AKR1C4: variants seen among roughly 807,000 people sequenced by gnomAD.
AKR1C4 encodes the protein aldo-keto reductase family 1 member C4, also known as 3-alpha-HSD1.
A neutral mutation model predicts 41.0 loss-of-function variants in AKR1C4; 44 were observed. The observed-to-expected ratio is 1.07, with a 90% CI of 0.84 to 1.38. The LOEUF is 1.38. Ranked by LOEUF, AKR1C4 falls within the 40% of genes most tolerant of loss-of-function variation. AKR1C4 has a pLI of 0.00. For synonymous variants in AKR1C4, 165 were observed against 137.7 expected (o/e 1.20, Z -1.39); for missense variants, 438 against 387.9 (o/e 1.13, Z -1.09).
intron 5 of AKR1C4, among the ~76,000 whole-genome samples, chr10:5,210,027 T>TA (rs1487065537): frequency 6.6e-6 from 1 of 152,154 alleles, no homozygotes; most frequent in Non-Finnish European, 1.5e-5. Context: ...TATAAGCCTG[T>TA]AAACTCAAAA....
intron 1 of AKR1C4, 30 bp downstream of exon 1, chr10:5,196,981 T>C (rs1554796381): frequency 6.2e-7 from 1 of 1,604,414 alleles, no homozygotes; most frequent in Non-Finnish European, 8.5e-7. Context: ...CATTGAGCAT[T>C]TAAAAGAGCA....
chr10:5,201,085 T>C (rs1832394296), intron 2 of AKR1C4, among the ~76,000 whole-genome samples: 1 of 152,160 alleles, frequency 6.6e-6, no homozygotes, highest in Admixed American at 6.5e-5. Context: ...GGTATGTGTT[T>C]TTTATATATA....
At chr10:5,204,997 C>T (rs1832463077) in intron 3 of AKR1C4, among the ~76,000 whole-genome samples, 1 of 151,500 alleles carries the variant, frequency 6.6e-6, no homozygotes, top group Non-Finnish European at 1.5e-5. Context: ...GAGTTTGTAG[C>T]TTTGCCTAGT....
intron 5 of AKR1C4, among the ~76,000 whole-genome samples, chr10:5,208,400 A>T (rs1413624): frequency 0.8 from 121,771 of 151,382 alleles, 51,619 homozygotes; most frequent in East Asian, 0.98. Flanking sequence ...TTACTCAATT[A>T]TTATTATGAC....
chr10:5,201,610 G>A (rs1832401495), intron 2 of AKR1C4, among the ~76,000 whole-genome samples: 1 of 152,048 alleles, frequency 6.6e-6, no homozygotes, highest in African/African-American at 2.4e-5. Context: ...AGTTTAATTA[G>A]GTCCCATTTA....
intron 1 of AKR1C4, among the ~76,000 whole-genome samples, chr10:5,199,730 C>T (rs1000338697): frequency 3.3e-5 from 5 of 152,254 alleles, no homozygotes; most frequent in Admixed American, 6.5e-5. Context: ...ACTCCATCCC[C>T]TTCTGACTTC....
intron 2 of AKR1C4, among the ~76,000 whole-genome samples, chr10:5,202,939 TTGTGTGTGTGTGTG>T (rs57414547): frequency 1.2e-3 from 171 of 139,264 alleles, no homozygotes; most frequent in Admixed American, 3.3e-3. Context: ...TAGTTTTCTT[TTGTGTGTGTGTGTG>T]TGTGTGTGTG....
Position 5,213,125 on chromosome 10 carries a change from GC to G in AKR1C4, c.813del (p.Tyr272ThrfsTer17). The G allele has an allele frequency of 6.2e-7, 1 of 1,614,092 alleles. No individual in the cohort carries two copies. The highest frequency in any genetic ancestry group is 8.5e-7 in the Non-Finnish European group (1 of 1,180,026). ...LQRGVVVLAK[S>X]YNEQRIRENI... The stretch of plus-strand genomic sequence containing the variant: ...CGTGGGGTTGTGGTCCTGGCCAAGA[GC>G]TACAATGAGCAGCGGATCAGAGAGA... On this transcript the variant is annotated frameshift_variant, in exon 7 of 9. Coordinates refer to ENST00000263126, the MANE Select transcript of AKR1C4 (RefSeq NM_001818.5). LOFTEE classifies it high-confidence loss of function.
At chr10:5,204,271 G>A (rs534596304) in intron 2 of AKR1C4, 106 bp from the exon 3 acceptor site, 3 of 842,170 alleles carry the variant, frequency 3.6e-6, no homozygotes, top group South Asian at 3.3e-5. Context: ...TTTTGCCAGA[G>A]GTCATCTGTT....
At chr10:5,206,150 CTT>C (rs1198845091) in intron 4 of AKR1C4, 123 bp from the exon 5 acceptor site, 2 of 1,500,454 alleles carry the variant, frequency 1.3e-6, no homozygotes, top group Non-Finnish European at 1.8e-6. Flanking sequence ...AATTTTTTCT[CTT>C]GAGAATCACT....
intron 8 of AKR1C4, among the ~76,000 whole-genome samples, chr10:5,218,312 C>T (rs1052724672): frequency 5.3e-5 from 8 of 152,122 alleles, no homozygotes; most frequent in Non-Finnish European, 8.8e-5. Flanking sequence ...CTACCAATAA[C>T]ATTTAACCCT....
Position 5,196,931 on chromosome 10 carries a change from G to C in AKR1C4, c.64G>C (p.Gly22Arg). Residue 22 changes from glycine (G) to arginine (R), a missense_variant, in exon 1 of 9, where the codon GGC becomes CGC. Gly to Arg is a moderately radical substitution (Grantham distance 125). Coordinates refer to ENST00000263126, the MANE Select transcript of AKR1C4 (RefSeq NM_001818.5). The stretch of plus-strand genomic sequence containing the variant: ...TCACTTCATGCCCGTATTGGGATTT[G>C]GCACCTATGCACCTCCAGAGGTAAT... ...DGHFMPVLGFGTYAPPEVPRN... is the reference protein window; with the variant it reads ...DGHFMPVLGFRTYAPPEVPRN... 1 of 1,614,034 alleles carries C rather than the reference G, an allele frequency of 6.2e-7. No individual in the cohort carries two copies. The highest frequency in any genetic ancestry group is 1.1e-5 in the South Asian group (1 of 91,076).
intron 2 of AKR1C4, among the ~76,000 whole-genome samples, chr10:5,203,913 TGTGGGAG>T (rs1832442915): frequency 6.6e-6 from 1 of 152,070 alleles, no homozygotes; most frequent in Admixed American, 6.6e-5. Flanking sequence ...CAGTGAAGAG[TGTGGGAG>T]GCAGGGAGAT....
Position 5,204,481 on chromosome 10 carries a change from A to T in AKR1C4, c.357A>T (p.Pro119=), listed in dbSNP as rs1554797249. Residue 119 remains proline (P), a synonymous_variant, in exon 3 of 9, where the codon CCA becomes CCT. Transcript: ENST00000263126. ...DYVDLYLLHF[P]MALKPGETPL... is the part of the protein sequence containing the mutation. ...TTGACCTCTATCTTCTTCATTTCCC[A>T]ATGGCTCTCAAGGTAGGGAATTTGT... is the stretch of plus-strand genomic sequence containing the variant. The T allele has an allele frequency of 6.2e-7, 1 of 1,610,508 alleles. No homozygotes were observed. The highest frequency in any genetic ancestry group is 1.3e-5 in the African/African-American group (1 of 74,818).
At position 5,218,932 on chromosome 10, in the gene AKR1C4, A is replaced by T. The variant is rs1349799127; in HGVS notation, c.*172A>T. 2 of 521,178 alleles carry T rather than the reference A, an allele frequency of 3.8e-6. No homozygotes were observed. Among genetic ancestry groups the T allele is most frequent in the East Asian group, 3.1e-5 (1 of 32,632 alleles). 32.3% of individuals were successfully genotyped at this position (521,178 alleles called of 1,614,324 possible). A position where few individuals can be genotyped will look rare whatever the true frequency, so the allele number is the denominator to read the frequency against. On this transcript the variant is annotated 3_prime_UTR_variant, in exon 9 of 9. Coordinates refer to ENST00000263126, the MANE Select transcript of AKR1C4 (RefSeq NM_001818.5). ...ATGGTCCAGAAAGCAAACATAATAAATTTTTATCTTGAAGTAATTGAATGT... is the reference window on the plus strand; with the variant it reads ...ATGGTCCAGAAAGCAAACATAATAATTTTTTATCTTGAAGTAATTGAATGT...
intron 5 of AKR1C4, among the ~76,000 whole-genome samples, chr10:5,210,319 G>T (rs1160048965): frequency 6.6e-6 from 1 of 152,182 alleles, no homozygotes; most frequent in Non-Finnish European, 1.5e-5. Context: ...CCTCCCTTCT[G>T]GCTGCTTTCA....
rs140929338 is a variant in AKR1C4, at chr10:5,218,542, G to A, written c.930-176G>A. On this transcript the variant is annotated intron_variant, in intron 8 of 8. Coordinates refer to ENST00000263126, the MANE Select transcript of AKR1C4 (RefSeq NM_001818.5). ...TATAAGTTGAAAATTTTCTTATTTT[G>A]AAAAAAAAAAAAAACACATTATAAA... 1.2e-4 allele frequency among the ~76,000 whole-genome samples: 17 copies of A among 146,574 alleles called. No individual in the cohort carries two copies. The South Asian group carries it at 1.3e-3, about 11-fold the overall frequency.
chr10:5,210,637 ACT>A (rs1396503201), intron 5 of AKR1C4, among the ~76,000 whole-genome samples: 3 of 147,072 alleles, frequency 2.0e-5, no homozygotes, highest in African/African-American at 7.7e-5. Flanking sequence ...ATGGAGTCTC[ACT>A]CTGTCACCCA....
chr10:5,205,672 G>A (rs1174318525), intron 3 of AKR1C4, 85 bp from the exon 4 acceptor site: 5 of 1,195,686 alleles, frequency 4.2e-6, no homozygotes, highest in Non-Finnish European at 6.0e-6. Flanking sequence ...CCTCACGGTG[G>A]ATTATTATCC....
Sources: gnomAD v4.1 joint callset for allele counts (sites outside exome capture counted in the v4.1 genomes callset) on GRCh38, gnomAD v4.1.1 for gene constraint, MANE v1.5 for transcripts, NCBI Gene and HGNC (gene_info 2026-07-23, HGNC 2026-07-21) for gene names.